The following XKR5 variants were observed in gnomAD, a reference collection of about 807,000 sequenced individuals.
XKR5 encodes the protein XK related 5.
In XKR5, 46 loss-of-function variants were observed where a neutral mutation model predicts 40.8. The observed-to-expected ratio is 1.13, with a 90% confidence interval of 0.89 to 1.44. XKR5 has a LOEUF of 1.44. Among genes scored for constraint, XKR5 ranks in the 40% most tolerant of loss-of-function variants. The probability of loss-of-function intolerance (pLI) is 0.00; values close to 1 mark genes in which losing one functional copy is unlikely to be tolerated. For synonymous variants in XKR5, 466 were observed against 356.1 expected, an observed-to-expected ratio of 1.31 and a Z score of -3.48; for missense variants, 1,169 against 844.7, an observed-to-expected ratio of 1.38 and a Z score of -4.76.
chr8:6,831,202 A>T (rs1226740730), intron 2 of XKR5, among the ~76,000 whole-genome samples: 1 of 152,120 alleles, frequency 6.6e-6, no homozygotes, highest in Non-Finnish European at 1.5e-5. Flanking sequence ...TCAGGGAAGG[A>T]GACGACAATG....
At position 6,811,304 on chromosome 8, in the gene XKR5, C is replaced by G. The variant is rs746041075; in HGVS notation, c.1955G>C (p.Arg652Thr). The G allele has an allele frequency of 3.3e-5, 50 of 1,537,214 alleles. No individual in the cohort carries two copies. The highest frequency in any genetic ancestry group is 4.2e-5 in the Non-Finnish European group (48 of 1,146,954). The part of the protein sequence containing the change: ...VGVWVSLPQL[R>T]TAHEPCLTST... ...CGTGAGGCAGGGCTCATGGGCAGTC[C>G]TCAGCTGTGGCAATGACACCCACAC... The change falls in exon 7 of 7, where the codon AGG becomes ACG. Residue 652 changes from arginine (R) to threonine (T), a missense_variant. Physicochemically the swap from Arg to Thr is moderately conservative, Grantham distance 71. Transcript: ENST00000618742.
intron 5 of XKR5, among the ~76,000 whole-genome samples, chr8:6,820,263 C>T (rs949529726): frequency 3.3e-5 from 5 of 152,216 alleles, no homozygotes; most frequent in African/African-American, 1.2e-4. Flanking sequence ...TAAGGACACT[C>T]GTGCCACTGT....
chr8:6,823,726 C>T lies in XKR5; in HGVS notation c.432G>A (p.Val144=), dbSNP rs764977935. The part of the protein sequence containing the change: ...ASDFTDIVPG[V]STLFSWSSLS... ...GTGAGGACCAGGAAAACAGGGTGCTCACCCCTGAAAGGGAAGCAGAAAGAT... is the reference window on the plus strand; with the variant it reads ...GTGAGGACCAGGAAAACAGGGTGCTTACCCCTGAAAGGGAAGCAGAAAGAT... The change falls in exon 4 of 7, where the codon GTG becomes GTA. Residue 144 remains valine (V), a synonymous_variant. Transcript: ENST00000618742. 2 of 1,574,508 alleles carry T rather than the reference C, an allele frequency of 1.3e-6. No individual in the cohort carries two copies. Among genetic ancestry groups the T allele is most frequent in the East Asian group, 2.3e-5 (1 of 42,640 alleles).
intron 4 of XKR5, among the ~76,000 whole-genome samples, chr8:6,822,956 G>A (rs1019045524): frequency 2.0e-5 from 3 of 152,236 alleles, no homozygotes; most frequent in African/African-American, 7.2e-5. Flanking sequence ...GGTGAGGCAA[G>A]TGGGACCTTG....
intron 2 of XKR5, among the ~76,000 whole-genome samples, chr8:6,830,268 T>C (rs1220041008): frequency 1.3e-5 from 2 of 152,234 alleles, no homozygotes; most frequent in Non-Finnish European, 2.9e-5. Flanking sequence ...CAAACGCAAT[T>C]GTTTTGGCTC....
At position 6,812,074 on chromosome 8, in the gene XKR5, C is replaced by T; in HGVS notation, c.1185G>A (p.Val395=). The change falls in exon 7 of 7, where the codon GTG becomes GTA. Residue 395 remains valine, a synonymous_variant. Transcript: ENST00000618742. ...PEAGLGTQVA[V]EDSFLSHHHW... ...GGTGATGACTGAGGAAAGAGTCCTC[C>T]ACAGCAACCTGGGTCCCCAGCCCAG... The T allele has an allele frequency of 6.5e-7, 1 of 1,541,338 alleles. No individual in the cohort carries two copies. The highest frequency in any genetic ancestry group is 8.7e-7 in the Non-Finnish European group (1 of 1,146,964).
At chr8:6,816,835 A>T (rs945202023) in intron 5 of XKR5, among the ~76,000 whole-genome samples, 2 of 151,638 alleles carry the variant, frequency 1.3e-5, no homozygotes, top group Admixed American at 1.3e-4. Context: ...TCTTCAAAAG[A>T]TTTGCCAGGT....
At chr8:6,813,893 TTC>T (rs1376647513) in intron 6 of XKR5, among the ~76,000 whole-genome samples, 1 of 152,170 alleles carries the variant, frequency 6.6e-6, no homozygotes, top group East Asian at 1.9e-4. Flanking sequence ...AGGACATCTT[TTC>T]TGAGTCAGTG....
In XKR5 at chr8:6,811,634, A is replaced by G; in HGVS notation, c.1625T>C (p.Leu542Ser). ...RGGEGQQSST[L>S]YFSATAEVAT... ...CACTTCTGCAGTGGCGCTGAAGTAC[A>G]ACGTGGAACTCTGCTGTCCTTCCCC... is the stretch of plus-strand genomic sequence containing the variant. The change falls in exon 7 of 7, where the codon TTG (leucine) becomes TCG (serine). Residue 542 changes from leucine to serine, a missense_variant. Leu to Ser is a moderately radical substitution (Grantham distance 145). Coordinates refer to ENST00000618742, the MANE Select transcript of XKR5 (RefSeq NM_207411.5). 6.5e-7 allele frequency: 1 copy of G among 1,537,446 alleles called. No individual in the cohort carries two copies. The highest frequency in any genetic ancestry group is 8.7e-7 in the Non-Finnish European group (1 of 1,146,960).
At chr8:6,817,662 G>C (rs576137001) in intron 5 of XKR5, among the ~76,000 whole-genome samples, 1 of 152,214 alleles carries the variant, frequency 6.6e-6, no homozygotes, top group Non-Finnish European at 1.5e-5. Flanking sequence ...TTGGTGCTGG[G>C]TGGATAGGAC....
At chr8:6,815,995 G>C in intron 5 of XKR5, 77 bp from the exon 6 acceptor site, 2 of 1,098,598 alleles carry the variant, frequency 1.8e-6, no homozygotes, top group Admixed American at 4.1e-5. Flanking sequence ...TGAGTCTGCA[G>C]CGGCTCCCCC....
At chr8:6,828,046 G>A (rs1804597131) in intron 2 of XKR5, among the ~76,000 whole-genome samples, 1 of 152,170 alleles carries the variant, frequency 6.6e-6, no homozygotes, top group Non-Finnish European at 1.5e-5. Context: ...TCCAGCCTGG[G>A]TGACAGAGGC....
intron 2 of XKR5, among the ~76,000 whole-genome samples, chr8:6,826,372 G>A (rs1209111121): frequency 6.6e-6 from 1 of 152,052 alleles, no homozygotes; most frequent in African/African-American, 2.4e-5. Context: ...GTATGAACAG[G>A]GGATAGGAAC....
At chr8:6,828,789 C>T (rs1336827165) in intron 2 of XKR5, among the ~76,000 whole-genome samples, 1 of 152,220 alleles carries the variant, frequency 6.6e-6, no homozygotes, top group Non-Finnish European at 1.5e-5. Flanking sequence ...TTTGCTCAAA[C>T]CCTTCCAACA....
rs1249864475 is a variant in XKR5, at chr8:6,825,299, T to C, written c.293A>G (p.His98Arg). 9.9e-6 allele frequency: 16 copies of C among 1,608,514 alleles called. No homozygotes were observed. Among genetic ancestry groups the C allele is most frequent in the East Asian group, 6.7e-5 (3 of 44,700 alleles). ...TSLQKELEAPHRGWLQLQEAD... is the reference protein window; with the variant it reads ...TSLQKELEAPRRGWLQLQEAD... ...CTCCTGCAGCTGCAGCCAGCCTCGG[T>C]GGGGAGCCTCCAGTTCCTTCTGCAG... Residue 98 changes from histidine to arginine, a missense_variant, in exon 3 of 7, where the codon CAC becomes CGC. Transcript: ENST00000618742.
At position 6,815,404 on chromosome 8, in the gene XKR5, TCTC is replaced by T. The variant is rs560287018; in HGVS notation, c.919+400_919+402del. On this transcript the variant is annotated intron_variant, in intron 6 of 6. Coordinates refer to ENST00000618742, the MANE Select transcript of XKR5 (RefSeq NM_207411.5). ...CAACCTCCTCTGTGCCTCACCTTCC[TCTC>T]CTCCTCTGCTAGGGCACCCACTTCC... Among the ~76,000 whole-genome samples the T allele has an allele frequency of 1.3e-3, 203 of 152,208 alleles. 3 individuals are homozygous for T. The South Asian group carries it at 0.038, about 28-fold the overall frequency.
At position 6,825,245 on chromosome 8, in the gene XKR5, T is replaced by G; in HGVS notation, c.347A>C (p.Glu116Ala). ...EADLSALRLL[E>A]ALLQTGPHLL... ...GTGGGGCCCAGTCTGCAGCAGGGCCTCCAAGAGTCGAAGGGCCGACAGGTC... is the reference window on the plus strand; with the variant it reads ...GTGGGGCCCAGTCTGCAGCAGGGCCGCCAAGAGTCGAAGGGCCGACAGGTC... Residue 116 changes from glutamate to alanine, a missense_variant, in exon 3 of 7, where the codon GAG becomes GCG. By Grantham distance (107) the Glu-to-Ala change is moderately radical. Transcript: ENST00000618742. 3 of 1,612,644 alleles carry G rather than the reference T, an allele frequency of 1.9e-6. No individual in the cohort carries two copies. Among genetic ancestry groups the G allele is most frequent in the Non-Finnish European group, 2.5e-6 (3 of 1,179,510 alleles).
intron 2 of XKR5, among the ~76,000 whole-genome samples, chr8:6,825,857 C>A (rs1402962305): frequency 6.6e-6 from 1 of 152,166 alleles, no homozygotes; most frequent in East Asian, 1.9e-4. Flanking sequence ...GAAGAGCAGA[C>A]AGGGAAGAAG....
intron 5 of XKR5, among the ~76,000 whole-genome samples, chr8:6,820,545 G>A (rs1246086063): frequency 1.3e-5 from 2 of 152,014 alleles, no homozygotes; most frequent in Non-Finnish European, 1.5e-5. Context: ...GTCCACCTAT[G>A]AATAAGCCAC....
Sources: allele counts gnomAD v4.1 joint callset (sites outside exome capture counted in the v4.1 genomes callset), GRCh38; gene constraint gnomAD v4.1.1; transcripts MANE v1.5; gene names NCBI Gene and HGNC (gene_info 2026-07-23, HGNC 2026-07-21).